MRPL1: variants seen among roughly 807,000 people sequenced by gnomAD.
MRPL1 encodes the protein mitochondrial ribosomal protein L1.
Under a neutral mutation model 38.0 loss-of-function variants are expected in MRPL1, and 28 were observed. The ratio of observed to expected loss-of-function variants is 0.74; its 90% CI spans 0.55 to 1.01. The LOEUF (loss-of-function observed/expected upper bound fraction) is 1.01. Among genes scored for constraint, MRPL1 ranks in the 50% least tolerant of loss-of-function variants. The probability of loss-of-function intolerance (pLI) is 0.00; values close to 1 mark genes in which losing one functional copy is unlikely to be tolerated. For synonymous variants in MRPL1, 123 were observed against 126.7 expected (o/e 0.97, Z 0.20); for missense variants, 358 against 389.8 (o/e 0.92, Z 0.69).
At chr4:77,888,494 C>A (rs1735733363) in intron 5 of MRPL1, among the ~76,000 whole-genome samples, 1 of 152,114 alleles carries the variant, frequency 6.6e-6, no homozygotes, top group South Asian at 2.1e-4. Flanking sequence ...CAGAGCGAGA[C>A]TCTGTCTCCA....
chr4:77,929,613 A>T (rs1014019211), intron 7 of MRPL1, among the ~76,000 whole-genome samples: 1 of 152,178 alleles, frequency 6.6e-6, no homozygotes, highest in Admixed American at 6.6e-5. Flanking sequence ...TGTTAAAGTG[A>T]TGTAAAGCAT....
At chr4:77,942,007 T>C (rs1346692002) in intron 7 of MRPL1, among the ~76,000 whole-genome samples, 1 of 152,192 alleles carries the variant, frequency 6.6e-6, no homozygotes, top group East Asian at 1.9e-4. Context: ...GATGTGGCAT[T>C]GAAGGCTATG....
At chr4:77,886,789 CTTTT>C (rs71214375) in intron 4 of MRPL1, among the ~76,000 whole-genome samples, 1 of 90,512 alleles carries the variant, frequency 1.1e-5, no homozygotes, top group East Asian at 3.2e-4. Flanking sequence ...TTTGCATTTT[CTTTT>C]TTTTTTTTTT....
chr4:77,912,355 G>A (rs1351188881), intron 7 of MRPL1, among the ~76,000 whole-genome samples: 1 of 152,130 alleles, frequency 6.6e-6, no homozygotes, highest in East Asian at 1.9e-4. Context: ...AACGAAGTGA[G>A]TTAACTAAGG....
intron 6 of MRPL1, among the ~76,000 whole-genome samples, chr4:77,895,620 T>C (rs1578046038): frequency 6.6e-6 from 1 of 152,092 alleles, no homozygotes; most frequent in African/African-American, 2.4e-5. Flanking sequence ...CTAGTTGAGC[T>C]AAAAAAATTC....
intron 7 of MRPL1, among the ~76,000 whole-genome samples, chr4:77,927,078 C>T (rs541470121): frequency 1.5e-3 from 222 of 152,032 alleles, no homozygotes; most frequent in Non-Finnish European, 2.8e-3. Context: ...TTTTCCCTCC[C>T]TCCTTGGTCA....
In MRPL1 at chr4:77,866,777, C is replaced by T. The variant is rs199899039; in HGVS notation, c.31+3898C>T. Among the ~76,000 whole-genome samples the T allele has an allele frequency of 4.2e-4, 60 of 144,292 alleles. 1 individual carries two copies. In the East Asian group the frequency reaches 7.4e-3, roughly 18 times the overall value. The allele number at this position is 144,292 out of a possible 152,430, so 94.7% of individuals were successfully genotyped here. ...TTTTTTTTTTTTTGAGACAGAGTTT[C>T]GCTCTTGTTGCCCAGGCTGGAGTGC... is the stretch of plus-strand genomic sequence containing the variant. On this transcript the variant is annotated intron_variant, in intron 1 of 8. Transcript: ENST00000315567.
intron 7 of MRPL1, among the ~76,000 whole-genome samples, chr4:77,934,603 T>C (rs530634407): frequency 2.4e-4 from 37 of 152,238 alleles, no homozygotes; most frequent in Non-Finnish European, 4.7e-4. Flanking sequence ...TGTAAAATAC[T>C]ATAGCCGCTA....
intron 7 of MRPL1, among the ~76,000 whole-genome samples, chr4:77,912,581 C>G (rs1364865652): frequency 6.6e-6 from 1 of 152,076 alleles, no homozygotes; most frequent in African/African-American, 2.4e-5. Context: ...TGACTATATA[C>G]CTTGTTTATG....
At chr4:77,949,161 G>A (rs1737347819) in intron 7 of MRPL1, among the ~76,000 whole-genome samples, 1 of 152,162 alleles carries the variant, frequency 6.6e-6, no homozygotes, top group African/African-American at 2.4e-5. Context: ...GAATATTTAG[G>A]AAGAATAAGA....
chr4:77,867,712 G>A (rs866624450), intron 1 of MRPL1, among the ~76,000 whole-genome samples: 3 of 146,698 alleles, frequency 2.0e-5, no homozygotes, highest in African/African-American at 5.0e-5. Context: ...GATTACATGC[G>A]TGAACCACTA....
intron 7 of MRPL1, among the ~76,000 whole-genome samples, chr4:77,941,767 A>G (rs1410622444): frequency 1.3e-5 from 2 of 151,824 alleles, no homozygotes; most frequent in Admixed American, 1.3e-4. Context: ...CTTTTTCTTC[A>G]TTAATCTTGG....
At chr4:77,929,000 C>T (rs1736784450) in intron 7 of MRPL1, among the ~76,000 whole-genome samples, 1 of 152,186 alleles carries the variant, frequency 6.6e-6, no homozygotes, top group African/African-American at 2.4e-5. Context: ...ATGTAGTGAT[C>T]ATAGATAATA....
intron 7 of MRPL1, among the ~76,000 whole-genome samples, chr4:77,921,585 G>A (rs540967148): frequency 6.6e-6 from 1 of 152,062 alleles, no homozygotes; most frequent in Non-Finnish European, 1.5e-5. Flanking sequence ...GTTAGAAAAG[G>A]CTAAAATATC....
Position 77,949,887 on chromosome 4 carries a change from T to C in MRPL1, c.859+9T>C. The C allele has an allele frequency of 6.3e-7, 1 of 1,593,808 alleles. No homozygotes were observed. The highest frequency in any genetic ancestry group is 8.6e-7 in the Non-Finnish European group (1 of 1,165,376). On this transcript the variant is annotated intron_variant, in intron 8 of 8. Transcript: ENST00000315567. ...CAGACCGCTGAATTTGGGTAAGTGG[T>C]TTGCTGAGGGTAGACTTCCCTATGA...
intron 5 of MRPL1, among the ~76,000 whole-genome samples, chr4:77,893,274 G>A (rs540688766): frequency 2.0e-5 from 3 of 152,006 alleles, no homozygotes; most frequent in Non-Finnish European, 4.4e-5. Context: ...GTGCCACCAC[G>A]CCCGGCTAGT....
chr4:77,877,761 G>A (rs910233875), intron 2 of MRPL1, among the ~76,000 whole-genome samples: 2 of 151,832 alleles, frequency 1.3e-5, no homozygotes, highest in African/African-American at 4.8e-5. Context: ...AGCTGGATTG[G>A]TACAGGATAC....
Position 77,885,048 on chromosome 4 carries a change from G to GA in MRPL1, c.403-199dup, listed in dbSNP as rs934119735. Among the ~76,000 whole-genome samples the GA allele has an allele frequency of 4.7e-5, 7 of 150,352 alleles. No individual in the cohort carries two copies. In the East Asian group the frequency reaches 9.7e-4, roughly 21 times the overall value. ...AAATATAATCTTGAAAAAGTTTCTT[G>GA]AAAAAAAAATAATCTGTTGTGCTTT... On this transcript the variant is annotated intron_variant, in intron 3 of 8. Transcript: ENST00000315567.
intron 3 of MRPL1, 30 bp downstream of exon 3, chr4:77,883,530 C>T: frequency 6.5e-7 from 1 of 1,541,576 alleles, no homozygotes; most frequent in East Asian, 2.3e-5. Flanking sequence ...ATAAGTTTAC[C>T]TGTGAACAGT....
Sources: gnomAD v4.1 joint callset for allele counts (sites outside exome capture counted in the v4.1 genomes callset) on GRCh38, gnomAD v4.1.1 for gene constraint, MANE v1.5 for transcripts, NCBI Gene and HGNC (gene_info 2026-07-23, HGNC 2026-07-21) for gene names.